TBL1X: variants seen among roughly 807,000 people sequenced by gnomAD.
TBL1X encodes the protein transducin beta like 1 X-linked, also known as F-box-like/WD repeat-containing protein TBL1X.
Under a neutral mutation model 50.7 loss-of-function variants are expected in TBL1X, and 10 were observed. The observed-to-expected ratio is 0.20, with a 90% CI of 0.12 to 0.33. The LOEUF is 0.33. Ranked by LOEUF, TBL1X falls within the 10% of genes least tolerant of loss-of-function variation. The pLI is 1.00. For synonymous variants in TBL1X, 190 were observed against 214.7 expected, an observed-to-expected ratio of 0.88 and a Z score of 1.01; for missense variants, 340 against 504.4, an observed-to-expected ratio of 0.67 and a Z score of 3.12.
At chrX:9,697,574 C>T (rs1601846691) in intron 12 of TBL1X, 145 bp downstream of exon 12, 6 of 798,200 alleles carry the variant, frequency 7.5e-6, no homozygotes, top group Non-Finnish European at 8.9e-6. Context: ...GAGTTCAAGA[C>T]CAGCCTGGGC....
At position 9,465,424 on chromosome X, in the gene TBL1X, A is replaced by G. The variant is rs911968913; in HGVS notation, c.-224A>G. ...GCGCGGCCGGGCGCGCGGCGCCGCC[A>G]CAAGTTGCGCTGCTCGCGACGAGGT... On this transcript the variant is annotated 5_prime_UTR_variant, in exon 1 of 18. Transcript: ENST00000645353. 9.0e-6 allele frequency: 1 copy of G among 110,750 alleles called. No homozygotes were observed. Among genetic ancestry groups the G allele is most frequent in the African/African-American group, 3.3e-5 (1 of 30,717 alleles). 9.1% of individuals were successfully genotyped at this position (110,750 alleles called of 1,213,427 possible).
chrX:9,628,870 G>T (rs1277859971), intron 2 of TBL1X, among the ~76,000 whole-genome samples: 1 of 112,039 alleles, frequency 8.9e-6, no homozygotes, highest in Non-Finnish European at 1.9e-5. Flanking sequence ...TTTACGAGGC[G>T]TTTTGGGCTT....
intron 2 of TBL1X, among the ~76,000 whole-genome samples, chrX:9,547,725 A>G (rs1343022823): frequency 9.2e-6 from 1 of 108,698 alleles, no homozygotes; most frequent in Non-Finnish European, 1.9e-5. Flanking sequence ...AGCCTTGGAG[A>G]ATGATATTTA....
At chrX:9,523,210 C>T (rs2082114864) in intron 2 of TBL1X, among the ~76,000 whole-genome samples, 2 of 112,170 alleles carry the variant, frequency 1.8e-5, no homozygotes, top group African/African-American at 3.2e-5. Context: ...CTCCTTTCAG[C>T]TGTCACCCTT....
intron 7 of TBL1X, among the ~76,000 whole-genome samples, chrX:9,689,648 T>C (rs2083085245): frequency 8.9e-6 from 1 of 111,761 alleles, no homozygotes; most frequent in African/African-American, 3.3e-5. Flanking sequence ...GCCCAGTCTA[T>C]GGAGACAGGA....
intron 2 of TBL1X, among the ~76,000 whole-genome samples, chrX:9,616,191 G>A (rs768033207): frequency 1.3e-3 from 140 of 111,611 alleles, no homozygotes; most frequent in Middle Eastern, 4.2e-3. Flanking sequence ...GAACAATTGT[G>A]TGTACCCCCC....
At chrX:9,580,493 C>G (rs976749636) in intron 2 of TBL1X, among the ~76,000 whole-genome samples, 2 of 111,909 alleles carry the variant, frequency 1.8e-5, no homozygotes, top group African/African-American at 6.5e-5. Context: ...GCATCTATAT[C>G]AGTGAGCAGA....
intron 2 of TBL1X, among the ~76,000 whole-genome samples, chrX:9,548,752 T>G (rs750117222): frequency 5.0e-4 from 56 of 112,671 alleles, no homozygotes; most frequent in Non-Finnish European, 7.5e-4. Flanking sequence ...TCTCAAATGT[T>G]TTAAGATTTA....
intron 2 of TBL1X, among the ~76,000 whole-genome samples, chrX:9,514,213 A>G (rs776651245): frequency 8.9e-6 from 1 of 111,742 alleles, no homozygotes; most frequent in Admixed American, 9.4e-5. Context: ...GTTAGGCTAC[A>G]CTGTAGTTCA....
chrX:9,598,247 G>A (rs139413429), intron 2 of TBL1X, among the ~76,000 whole-genome samples: 82 of 111,746 alleles, frequency 7.3e-4, no homozygotes, highest in African/African-American at 2.3e-3. Flanking sequence ...TCAGCTTGTG[G>A]TACTTTGTTA....
At position 9,629,957 on chromosome X, in the gene TBL1X, G is replaced by A. The variant is rs182423349; in HGVS notation, c.-130-10316G>A. On this transcript the variant is annotated intron_variant, in intron 2 of 17. Coordinates refer to ENST00000645353, the MANE Select transcript of TBL1X (RefSeq NM_005647.4). ...TCTTTCCTGCATGTCTACTACCCCC[G>A]TCCAAGCACTTCCTTGGCTCTAGTA... 1.1e-4 allele frequency among the ~76,000 whole-genome samples: 12 copies of A among 111,278 alleles called. No homozygotes were observed. In the East Asian group the frequency reaches 3.1e-3, roughly 29 times the overall value.
intron 5 of TBL1X, among the ~76,000 whole-genome samples, chrX:9,658,972 C>G (rs982886115): frequency 9.0e-6 from 1 of 111,100 alleles, no homozygotes; most frequent in Non-Finnish European, 1.9e-5. Flanking sequence ...AAATTATGCC[C>G]AGCTAATTTC....
At chrX:9,470,535 G>A (rs1293000254) in intron 1 of TBL1X, among the ~76,000 whole-genome samples, 2 of 112,766 alleles carry the variant, frequency 1.8e-5, no homozygotes, top group African/African-American at 6.4e-5. Flanking sequence ...GATTACAGGC[G>A]TAAGCCAGCA....
chrX:9,463,904 CA>C (rs2081752117), upstream of TBL1X, among the ~76,000 whole-genome samples: 1 of 110,688 alleles, frequency 9.0e-6, no homozygotes, highest in African/African-American at 3.3e-5. Context: ...AAAACAAAAA[CA>C]AAAACAAAAA....
chrX:9,518,098 C>CAAAAA (rs58522206), intron 2 of TBL1X, among the ~76,000 whole-genome samples: 1 of 68,246 alleles, frequency 1.5e-5, no homozygotes. Flanking sequence ...GATCCTCTCT[C>CAAAAA]AAAAAAAAAA....
At chrX:9,714,578 C>G (rs1453932209) in intron 16 of TBL1X, among the ~76,000 whole-genome samples, 2 of 111,961 alleles carry the variant, frequency 1.8e-5, no homozygotes, top group East Asian at 5.7e-4. Flanking sequence ...AGTCCATGAG[C>G]CACTTACCCA....
At chrX:9,491,334 A>AT (rs1403355557) in intron 1 of TBL1X, among the ~76,000 whole-genome samples, 21 of 23,377 alleles carry the variant, frequency 9.0e-4, no homozygotes, top group East Asian at 7.7e-3. Context: ...ATATATATAT[A>AT]TATATTTTTT....
At chrX:9,519,406 C>T (rs913096246) in intron 2 of TBL1X, among the ~76,000 whole-genome samples, 3 of 110,860 alleles carry the variant, frequency 2.7e-5, no homozygotes, top group South Asian at 3.8e-4. Flanking sequence ...CCACTGGGCC[C>T]GGCCTACTTG....
intron 2 of TBL1X, among the ~76,000 whole-genome samples, chrX:9,597,708 G>A (rs1374221302): frequency 8.9e-6 from 1 of 112,520 alleles, no homozygotes; most frequent in African/African-American, 3.2e-5. Context: ...CTTTAGGAAC[G>A]GTGCTACCAG....
Sources: allele counts gnomAD v4.1 joint callset (sites outside exome capture counted in the v4.1 genomes callset), GRCh38; gene constraint gnomAD v4.1.1; transcripts MANE v1.5; gene names NCBI Gene and HGNC (gene_info 2026-07-23, HGNC 2026-07-21).